PATJ: variants seen among roughly 807,000 people sequenced by gnomAD.
The protein encoded by PATJ is PATJ crumbs cell polarity complex component.
A neutral mutation model predicts 224.9 loss-of-function variants in PATJ; 190 were observed. That is an observed-to-expected ratio of 0.84 (90% CI 0.75 to 0.95). PATJ has a LOEUF of 0.95. Ranked by LOEUF, PATJ falls within the 40% of genes least tolerant of loss-of-function variation. PATJ has a pLI of 0.00. For synonymous variants in PATJ, 769 were observed against 820.3 expected, an observed-to-expected ratio of 0.94 and a Z score of 1.07; for missense variants, 2,121 against 2,270.3, an observed-to-expected ratio of 0.93 and a Z score of 1.34.
At chr1:61,950,382 C>G (rs1038419393) in intron 27 of PATJ, among the ~76,000 whole-genome samples, 1 of 152,158 alleles carries the variant, frequency 6.6e-6, no homozygotes, top group African/African-American at 2.4e-5. Context: ...GAAACCAGCA[C>G]TAGAATCTGG....
At chr1:62,028,470 T>C (rs889833918) in intron 29 of PATJ, among the ~76,000 whole-genome samples, 1 of 152,232 alleles carries the variant, frequency 6.6e-6, no homozygotes, top group African/African-American at 2.4e-5. Context: ...CTTGGTGTTC[T>C]AGTTGAAAAT....
rs1669883346 is a variant in PATJ, at chr1:62,162,157, A to T, written c.*1103A>T. The T allele has an allele frequency of 6.6e-6, 1 of 152,158 alleles. No individual in the cohort carries two copies. The highest frequency in any genetic ancestry group is 1.5e-5 in the Non-Finnish European group (1 of 68,042). The allele number at this position is 152,158 out of a possible 1,614,324, so 9.4% of individuals were successfully genotyped here. On this transcript the variant is annotated 3_prime_UTR_variant, in exon 44 of 44. Transcript: ENST00000642238. ...CATGTTCTGAATTCTAACAGTGCTA[A>T]ATTACATTCAAGTCCAGGAAGATCA...
At chr1:61,961,810 A>T (rs1315376437) in intron 27 of PATJ, among the ~76,000 whole-genome samples, 2 of 151,744 alleles carry the variant, frequency 1.3e-5, no homozygotes, top group Admixed American at 6.6e-5. Flanking sequence ...CTCTACTAAA[A>T]ATACAAAAAT....
intron 17 of PATJ, among the ~76,000 whole-genome samples, chr1:61,845,218 G>A (rs1014555021): frequency 3.3e-5 from 5 of 152,144 alleles, no homozygotes; most frequent in African/African-American, 9.7e-5. Context: ...CAGGCTGTAG[G>A]TCCTGTAATC....
chr1:62,133,654 G>A (rs900609476), intron 41 of PATJ, among the ~76,000 whole-genome samples: 1 of 151,978 alleles, frequency 6.6e-6, no homozygotes, highest in Non-Finnish European at 1.5e-5. Flanking sequence ...GTAGAATGGT[G>A]CTTCTCAAAC....
At chr1:61,874,236 C>T (rs965281209) in intron 20 of PATJ, among the ~76,000 whole-genome samples, 2 of 150,898 alleles carry the variant, frequency 1.3e-5, no homozygotes, top group Non-Finnish European at 2.9e-5. Context: ...CAGTGTCTCT[C>T]TGTCACTCAG....
At chr1:62,143,362 T>C (rs1049535149) in intron 41 of PATJ, among the ~76,000 whole-genome samples, 1 of 152,114 alleles carries the variant, frequency 6.6e-6, no homozygotes, top group African/African-American at 2.4e-5. Flanking sequence ...GAATATTGTG[T>C]TAATTTTGAT....
At chr1:61,865,468 G>GCATCTCCCATCTCC (rs900291487) in intron 20 of PATJ, 1 of 151,914 alleles carries the variant, frequency 6.6e-6, no homozygotes, top group African/African-American at 2.4e-5. Context: ...CTGGGGTCAA[G>GCATCTCCCATCTCC]CATCTCCCAT....
intron 31 of PATJ, among the ~76,000 whole-genome samples, chr1:62,062,883 A>G (rs942138910): frequency 1.3e-5 from 2 of 151,926 alleles, no homozygotes; most frequent in Non-Finnish European, 2.9e-5. Context: ...GATTTGTTGA[A>G]GTTCCTTATA....
intron 27 of PATJ, among the ~76,000 whole-genome samples, chr1:61,966,922 G>A (rs1682250068): frequency 6.6e-6 from 1 of 152,106 alleles, no homozygotes; most frequent in African/African-American, 2.4e-5. Context: ...GGTCACTCTC[G>A]TGGCCATCTT....
intron 1 of PATJ, among the ~76,000 whole-genome samples, chr1:61,748,788 AGGCACGCACC>A (rs1366144673): frequency 1.3e-5 from 2 of 151,610 alleles, no homozygotes; most frequent in South Asian, 2.1e-4. Flanking sequence ...CCTGGACTAC[AGGCACGCACC>A]GGCACGCACC....
rs1431154183 is a variant in PATJ, at chr1:62,161,326, GATTTC to G, written c.*273_*277del. ...GTTTTGCATTTAATTTCAGTGTTCC[GATTTC>G]TTTTTTTTTTTTTTTTTTTTTTTTT... On this transcript the variant is annotated 3_prime_UTR_variant, in exon 44 of 44. Transcript: ENST00000642238. The G allele has an allele frequency of 7.3e-4, 157 of 215,052 alleles. No individual in the cohort carries two copies. The highest frequency in any genetic ancestry group is 2.9e-3 in the African/African-American group (111 of 37,698). The allele number at this position is 215,052 out of a possible 1,614,324, so 13.3% of individuals were successfully genotyped here.
chr1:61,786,718 G>A lies in PATJ; in HGVS notation c.850-1036G>A, dbSNP rs187337188. On this transcript the variant is annotated intron_variant, in intron 7 of 43. Transcript: ENST00000642238. ...TATTAAAAATATATCTTGGCCGGGC[G>A]CAGTGGCTTATGCCTGTAATCCCAG... Among the ~76,000 whole-genome samples, 460 of 152,104 alleles carry A rather than the reference G, an allele frequency of 3.0e-3. 10 individuals are homozygous for A. Among genetic ancestry groups the A allele is most frequent in the Non-Finnish European group, 6.9e-4 (47 of 67,998 alleles).
intron 13 of PATJ, 112 bp from the exon 14 acceptor site, chr1:61,808,362 T>C: frequency 1.5e-6 from 1 of 681,240 alleles, no homozygotes; most frequent in Non-Finnish European, 2.6e-6. Context: ...GGTATCGGAA[T>C]GTAGGTCAAA....
intron 8 of PATJ, among the ~76,000 whole-genome samples, chr1:61,789,942 C>A (rs778708746): frequency 1.8e-4 from 27 of 152,236 alleles, no homozygotes; most frequent in Middle Eastern, 3.4e-3. Context: ...TTGATCCAAT[C>A]AATTATTTAC....
At chr1:61,757,221 T>A (rs1264994535) in intron 1 of PATJ, among the ~76,000 whole-genome samples, 3 of 151,226 alleles carry the variant, frequency 2.0e-5, no homozygotes, top group Non-Finnish European at 4.4e-5. Flanking sequence ...CAGGCGTGTG[T>A]TAACAGGCCT....
At position 61,856,184 on chromosome 1, in the gene PATJ, T is replaced by C. The variant is rs148534704; in HGVS notation, c.2267T>C (p.Ile756Thr). The C allele has an allele frequency of 1.9e-4, 307 of 1,614,082 alleles. No homozygotes were observed. Among genetic ancestry groups the C allele is most frequent in the Non-Finnish European group, 2.5e-4 (292 of 1,180,042 alleles). The change falls in exon 18 of 44, where the codon ATA (isoleucine) becomes ACA (threonine). Residue 756 changes from isoleucine to threonine, a missense_variant. Transcript: ENST00000642238. ...DNTSLAEAVE[I>T]LKAVPPGLVH... ...ACCTCACTTGCTGAAGCTGTGGAAATATTGAAAGCTGTGCCACCAGGCCTA... is the reference window on the plus strand; with the variant it reads ...ACCTCACTTGCTGAAGCTGTGGAAACATTGAAAGCTGTGCCACCAGGCCTA...
intron 17 of PATJ, among the ~76,000 whole-genome samples, chr1:61,850,130 A>G (rs1326212268): frequency 6.6e-6 from 1 of 152,182 alleles, no homozygotes; most frequent in Non-Finnish European, 1.5e-5. Context: ...TTTCACAGCT[A>G]GAGCTCTCCA....
intron 20 of PATJ, among the ~76,000 whole-genome samples, chr1:61,866,229 TTTC>T: frequency 6.6e-6 from 1 of 152,326 alleles, no homozygotes; most frequent in Non-Finnish European, 1.5e-5. Context: ...CTTGTTCTGT[TTTC>T]TTCTATTAAA....
Sources: gnomAD v4.1 joint callset for allele counts (sites outside exome capture counted in the v4.1 genomes callset) on GRCh38, gnomAD v4.1.1 for gene constraint, MANE v1.5 for transcripts, NCBI Gene and HGNC (gene_info 2026-07-23, HGNC 2026-07-21) for gene names.